MAGI2: variants seen among roughly 807,000 people sequenced by gnomAD.
MAGI2 encodes the protein membrane associated guanylate kinase, WW and PDZ domain containing 2, also known as membrane-associated guanylate kinase, WW and PDZ domain-containing protein 2.
A neutral mutation model predicts 133.3 loss-of-function variants in MAGI2; 35 were observed. The ratio of observed to expected loss-of-function variants is 0.26; its 90% CI spans 0.20 to 0.35. The LOEUF (loss-of-function observed/expected upper bound fraction) is 0.35, where lower values mean the gene tolerates loss of function less well. MAGI2 is among the 10% of genes least tolerant of loss of function. The probability of loss-of-function intolerance (pLI) is 1.00; values close to 1 mark genes in which losing one functional copy is unlikely to be tolerated. For missense variants in MAGI2, 1,636 were observed against 1,863.4 expected, an observed-to-expected ratio of 0.88 and a Z score of 2.25; for synonymous variants, 729 against 710.6, an observed-to-expected ratio of 1.03 and a Z score of -0.41.
Position 79,259,518 on chromosome 7 carries a change from A to C in MAGI2, c.301+193502T>G, listed in dbSNP as rs143542518. On this transcript the variant is annotated intron_variant, in intron 1 of 21. Transcript: ENST00000354212. ...CAAAGTATGAAGAAATAACTTGTTG[A>C]TGCATTTAAAACAAAACTTTAGACC... Among the ~76,000 whole-genome samples, 449 of 152,320 alleles carry C rather than the reference A, an allele frequency of 2.9e-3. 2 individuals are homozygous for C. The highest frequency in any genetic ancestry group is 0.01 in the African/African-American group (431 of 41,580).
At position 78,043,374 on chromosome 7, in the gene MAGI2, CGTAGCCAGTTT is replaced by C. The variant is rs1811060897; in HGVS notation, c.3707-23409_3707-23399del. Among the ~76,000 whole-genome samples, 3 of 152,078 alleles carry C rather than the reference CGTAGCCAGTTT, an allele frequency of 2.0e-5. No homozygotes were observed. The South Asian group carries it at 6.2e-4, about 32-fold the overall frequency. On this transcript the variant is annotated intron_variant, in intron 21 of 21. Coordinates refer to ENST00000354212, the MANE Select transcript of MAGI2 (RefSeq NM_012301.4). ...GGAGTAGGGGGTGGGAAAATACCTG[CGTAGCCAGTTT>C]GTATAATACTCTGGAGCTTCCTATC...
chr7:78,759,889 G>A (rs547865025), intron 2 of MAGI2, among the ~76,000 whole-genome samples: 44 of 152,018 alleles, frequency 2.9e-4, no homozygotes, highest in African/African-American at 1.0e-3. Context: ...AGCACTTTGG[G>A]AGGCCAAGTG....
intron 3 of MAGI2, among the ~76,000 whole-genome samples, chr7:78,538,150 T>C (rs1798116299): frequency 6.6e-6 from 1 of 152,226 alleles, no homozygotes; most frequent in African/African-American, 2.4e-5. Flanking sequence ...TACATGGCTT[T>C]GTTTCTGGAT....
intron 2 of MAGI2, among the ~76,000 whole-genome samples, chr7:78,969,350 C>G (rs1803593637): frequency 6.6e-6 from 1 of 152,046 alleles, no homozygotes; most frequent in African/African-American, 2.4e-5. Context: ...CGTGGAAACC[C>G]CGCCTTGGGT....
chr7:78,769,011 T>C (rs1825312073), intron 2 of MAGI2, among the ~76,000 whole-genome samples: 1 of 152,130 alleles, frequency 6.6e-6, no homozygotes, highest in Non-Finnish European at 1.5e-5. Context: ...TGGCTGGAGC[T>C]TTCACAAACC....
chr7:78,852,281 G>A (rs1793208667), intron 2 of MAGI2, among the ~76,000 whole-genome samples: 1 of 151,842 alleles, frequency 6.6e-6, no homozygotes, highest in South Asian at 2.1e-4. Context: ...TTTTGCAGGA[G>A]GTCTTTGTAT....
intron 3 of MAGI2, among the ~76,000 whole-genome samples, chr7:78,562,785 G>T (rs568413193): frequency 6.6e-6 from 1 of 152,166 alleles, no homozygotes; most frequent in Non-Finnish European, 1.5e-5. Flanking sequence ...TGTTCAAAGA[G>T]AGCCTCCATG....
intron 6 of MAGI2, among the ~76,000 whole-genome samples, chr7:78,455,884 T>G (rs973974608): frequency 6.6e-6 from 1 of 152,150 alleles, no homozygotes; most frequent in Non-Finnish European, 1.5e-5. Flanking sequence ...ACATTTGCCC[T>G]TTTAGGAATC....
intron 1 of MAGI2, among the ~76,000 whole-genome samples, chr7:79,287,678 A>G (rs879656503): frequency 6.6e-6 from 1 of 152,166 alleles, no homozygotes; most frequent in Non-Finnish European, 1.5e-5. Flanking sequence ...CTTTGCTAGC[A>G]TTAAGGTGCC....
chr7:78,792,772 A>T (rs1787283670), intron 2 of MAGI2, among the ~76,000 whole-genome samples: 1 of 152,258 alleles, frequency 6.6e-6, no homozygotes, highest in Non-Finnish European at 1.5e-5. Context: ...GCAATAAAAA[A>T]TACATCAACC....
chr7:79,375,536 G>C (rs945919513), intron 1 of MAGI2, among the ~76,000 whole-genome samples: 8 of 151,804 alleles, frequency 5.3e-5, no homozygotes, highest in African/African-American at 1.7e-4. Context: ...TAATAACAAG[G>C]CCCAAATATA....
chr7:78,889,274 A>G (rs200858869), intron 2 of MAGI2, among the ~76,000 whole-genome samples: 6 of 152,220 alleles, frequency 3.9e-5, no homozygotes, highest in Admixed American at 2.0e-4. Flanking sequence ...GAAAGTGACG[A>G]GGAGAATGGA....
At chr7:78,618,834 A>C (rs1467718618) in intron 3 of MAGI2, 1 of 151,616 alleles carries the variant, frequency 6.6e-6, no homozygotes, top group East Asian at 1.9e-4. Context: ...TCATAGAAGG[A>C]GAGAGTAGAG....
intron 1 of MAGI2, among the ~76,000 whole-genome samples, chr7:79,246,431 T>C (rs1832824078): frequency 6.6e-6 from 1 of 152,136 alleles, no homozygotes; most frequent in South Asian, 2.1e-4. Flanking sequence ...AAGAATCTTA[T>C]CAAAAAGATA....
chr7:79,331,946 T>A (rs1253877781), intron 1 of MAGI2, among the ~76,000 whole-genome samples: 2 of 146,298 alleles, frequency 1.4e-5, no homozygotes, highest in African/African-American at 2.6e-5. Context: ...TAAAGTATAA[T>A]AAAAAAAAAA....
chr7:78,365,147 C>T (rs1040175250), intron 7 of MAGI2, among the ~76,000 whole-genome samples: 30 of 152,024 alleles, frequency 2.0e-4, no homozygotes, highest in African/African-American at 6.5e-4. Flanking sequence ...ATCTTGCTCT[C>T]GGTGGCCATG....
At chr7:78,462,048 G>A (rs7804452) in intron 6 of MAGI2, among the ~76,000 whole-genome samples, 90,204 of 150,434 alleles carry the variant, frequency 0.6, 28,464 homozygotes, top group Middle Eastern at 0.81. Flanking sequence ...ATTCAATTTT[G>A]TAAAGAAAAT....
At chr7:78,984,980 C>T (rs1193024298) in intron 2 of MAGI2, among the ~76,000 whole-genome samples, 4 of 150,028 alleles carry the variant, frequency 2.7e-5, no homozygotes, top group African/African-American at 4.9e-5. Flanking sequence ...TTCTTAAACT[C>T]TTTCTTTCTT....
chr7:78,130,237 CTG>C (rs1821426852), intron 18 of MAGI2, among the ~76,000 whole-genome samples: 1 of 152,092 alleles, frequency 6.6e-6, no homozygotes, highest in Non-Finnish European at 1.5e-5. Flanking sequence ...TGTTAAAGGA[CTG>C]AGAAATGGGG....
Sources: allele counts gnomAD v4.1 joint callset (sites outside exome capture counted in the v4.1 genomes callset), GRCh38; gene constraint gnomAD v4.1.1; transcripts MANE v1.5; gene names NCBI Gene and HGNC (gene_info 2026-07-23, HGNC 2026-07-21).